Variants in REDIC1 observed in about 807,000 individuals in gnomAD.
REDIC1 encodes HEI10 Interacting Protein 1.
chr12:39,879,980 G>A, the REDIC1 span, among the ~76,000 whole-genome samples: 3 of 152,144 alleles, frequency 2.0e-5, no homozygotes, highest in Non-Finnish European at 4.4e-5. Context: ...GTTTGGTCCT[G>A]TCTTAATGAT....
chr12:39,862,861 T>C, the REDIC1 span, among the ~76,000 whole-genome samples: 1 of 152,192 alleles, frequency 6.6e-6, no homozygotes, highest in African/African-American at 2.4e-5. Context: ...TTAGGAACAT[T>C]CCAATTCTAC....
At chr12:39,902,160 G>T in the REDIC1 span, among the ~76,000 whole-genome samples, 63,055 of 144,076 alleles carry the variant, frequency 0.44, 14,109 homozygotes, top group East Asian at 0.76. Flanking sequence ...CATGGACACA[G>T]GAATGAGAAC....
chr12:39,778,402 T>C, the REDIC1 span, among the ~76,000 whole-genome samples: 3 of 152,094 alleles, frequency 2.0e-5, no homozygotes, highest in African/African-American at 7.2e-5. Flanking sequence ...TGACTCTTCC[T>C]GGGGGAAAGT....
the REDIC1 span, among the ~76,000 whole-genome samples, chr12:39,785,030 T>C: frequency 2.0e-5 from 3 of 152,112 alleles, no homozygotes; most frequent in African/African-American, 4.8e-5. Context: ...AGCCTTATGA[T>C]GTAGTAGAAT....
At chr12:39,891,486 T>G in the REDIC1 span, among the ~76,000 whole-genome samples, 1 of 152,314 alleles carries the variant, frequency 6.6e-6, no homozygotes, top group Non-Finnish European at 1.5e-5. Context: ...TAAGAAAGCA[T>G]ATGAAAATCT....
At chr12:39,736,007 A>G in the REDIC1 span, among the ~76,000 whole-genome samples, 7 of 152,234 alleles carry the variant, frequency 4.6e-5, no homozygotes, top group African/African-American at 1.7e-4. Flanking sequence ...CATCACAAAA[A>G]GAGAGCTTTG....
the REDIC1 span, among the ~76,000 whole-genome samples, chr12:39,872,964 C>T: frequency 6.6e-6 from 1 of 152,172 alleles, no homozygotes; most frequent in Non-Finnish European, 1.5e-5. Flanking sequence ...TAAAAATCTA[C>T]AGTTTGTGAA....
the REDIC1 span, among the ~76,000 whole-genome samples, chr12:39,890,381 C>T: frequency 6.6e-6 from 1 of 152,092 alleles, no homozygotes; most frequent in Non-Finnish European, 1.5e-5. Flanking sequence ...TGTCCTACTT[C>T]CCTAAATATG....
At chr12:39,785,191 G>A in the REDIC1 span, among the ~76,000 whole-genome samples, 70 of 152,132 alleles carry the variant, frequency 4.6e-4, no homozygotes, top group East Asian at 5.2e-3. Context: ...TCACAGGACC[G>A]GAGGCCCAGG....
At chr12:39,728,685 C>T in the REDIC1 span, among the ~76,000 whole-genome samples, 7 of 149,150 alleles carry the variant, frequency 4.7e-5, no homozygotes, top group Non-Finnish European at 8.9e-5. Flanking sequence ...AAGAGTCCCT[C>T]TTTTTCTATT....
At chr12:39,721,116 A>C in the REDIC1 span, 2 of 1,613,810 alleles carry the variant, frequency 1.2e-6, no homozygotes, top group East Asian at 4.5e-5. Flanking sequence ...AGGAAAAATT[A>C]GATGTTGCCA....
At chr12:39,720,647 T>C in the REDIC1 span, 1 of 704,658 alleles carries the variant, frequency 1.4e-6, no homozygotes, top group South Asian at 1.9e-5. Context: ...ATACCTGCTT[T>C]GATTTGTAAC....
the REDIC1 span, among the ~76,000 whole-genome samples, chr12:39,707,047 A>C: frequency 1.3e-5 from 2 of 151,892 alleles, no homozygotes; most frequent in Non-Finnish European, 2.9e-5. Flanking sequence ...AAAAACTTCT[A>C]TACAATAAAG....
At chr12:39,808,268 G>A in the REDIC1 span, among the ~76,000 whole-genome samples, 7 of 152,060 alleles carry the variant, frequency 4.6e-5, no homozygotes, top group African/African-American at 1.7e-4. Context: ...CCAGGTTACT[G>A]GACATATCAG....
the REDIC1 span, among the ~76,000 whole-genome samples, chr12:39,889,502 C>T: frequency 6.7e-5 from 10 of 150,220 alleles, no homozygotes; most frequent in Non-Finnish European, 1.3e-4. Context: ...GAGTAGAGGC[C>T]GACTTTACGC....
chr12:39,878,769 A>G, the REDIC1 span, among the ~76,000 whole-genome samples: 1 of 152,378 alleles, frequency 6.6e-6, no homozygotes, highest in East Asian at 1.9e-4. Context: ...GAGGAATTCA[A>G]GCATGCTGTG....
the REDIC1 span, among the ~76,000 whole-genome samples, chr12:39,730,767 C>T: frequency 6.6e-6 from 1 of 152,136 alleles, no homozygotes; most frequent in East Asian, 1.9e-4. Flanking sequence ...GTTCCATTCT[C>T]CCCGTCACCT....
At chr12:39,710,337 A>C in the REDIC1 span, among the ~76,000 whole-genome samples, 225 of 152,004 alleles carry the variant, frequency 1.5e-3, 1 homozygote, top group Middle Eastern at 6.8e-3. Context: ...ATGTACATAC[A>C]GGCAAAAATT....
At chr12:39,711,839 GTA>G in the REDIC1 span, among the ~76,000 whole-genome samples, 44,044 of 65,834 alleles carry the variant, frequency 0.67, 16,032 homozygotes, top group Non-Finnish European at 0.76. Context: ...GTATATGTGT[GTA>G]TACACATGCA....
Sources: allele counts gnomAD v4.1 joint callset (sites outside exome capture counted in the v4.1 genomes callset), GRCh38; gene constraint gnomAD v4.1.1; transcripts MANE v1.5; gene names NCBI Gene and HGNC (gene_info 2026-07-23, HGNC 2026-07-21).